The following SECISBP2 variants were observed in gnomAD, a reference collection of about 807,000 sequenced individuals.
SECISBP2 encodes the protein selenocysteine insertion sequence-binding protein 2.
In SECISBP2, 96 loss-of-function variants were observed where a neutral mutation model predicts 98.2. The observed-to-expected ratio is 0.98, with a 90% CI of 0.83 to 1.16. The LOEUF is 1.16. SECISBP2 is among the 50% of genes most tolerant of loss of function. The pLI, the probability that SECISBP2 is intolerant of heterozygous loss-of-function variation, is 0.00. For missense variants in SECISBP2, 1,046 were observed against 1,022.9 expected, an observed-to-expected ratio of 1.02 and a Z score of -0.31; for synonymous variants, 407 against 370.2, an observed-to-expected ratio of 1.10 and a Z score of -1.14.
At chr9:89,318,893 T>C (rs1769506488) in intron 1 of SECISBP2, 2 of 1,242,244 alleles carry the variant, frequency 1.6e-6, no homozygotes, top group African/African-American at 3.1e-5. Flanking sequence ...CTCCCCGCAG[T>C]CGGGGCGGGG....
chr9:89,357,131 G>A (rs1832210447), intron 14 of SECISBP2: 1 of 455,410 alleles, frequency 2.2e-6, no homozygotes, highest in South Asian at 2.1e-5. Flanking sequence ...TTGGGATTTG[G>A]GGGAGGACAC....
chr9:89,319,294 T>G (rs956182290), intron 1 of SECISBP2, among the ~76,000 whole-genome samples: 1 of 152,210 alleles, frequency 6.6e-6, no homozygotes, highest in African/African-American at 2.4e-5. Context: ...AGTTAAACAG[T>G]CCACGTGTAT....
chr9:89,340,209 A>G lies in SECISBP2; in HGVS notation c.1302+256A>G, dbSNP rs117179613. Reference sequence around the variant, plus strand: ...ATAAGATTTGGTAACTGCAGTTGCTAAGTTGGAAAGGAGGGGGATCATACT... The same window carrying G: ...ATAAGATTTGGTAACTGCAGTTGCTGAGTTGGAAAGGAGGGGGATCATACT... On this transcript the variant is annotated intron_variant, in intron 9 of 16. Coordinates refer to ENST00000375807, the MANE Select transcript of SECISBP2 (RefSeq NM_024077.5). Among the ~76,000 whole-genome samples the G allele has an allele frequency of 7.6e-3, 1,160 of 152,312 alleles. 8 individuals carry two copies. The highest frequency in any genetic ancestry group is 0.018 in the South Asian group (87 of 4,830).
chr9:89,342,892 T>C (rs1279458566), intron 10 of SECISBP2, among the ~76,000 whole-genome samples: 1 of 152,230 alleles, frequency 6.6e-6, no homozygotes, highest in Non-Finnish European at 1.5e-5. Flanking sequence ...ATTGTGCACT[T>C]AAAAACAGTT....
rs550632778 is a variant in SECISBP2, at chr9:89,345,643, A to G, written c.1436-1239A>G. On this transcript the variant is annotated intron_variant, in intron 10 of 16. Transcript: ENST00000375807. ...AAGGACCCTCCTCAGGCCCGGTGTCAGTGCTTTGTGAAGAGTTGCCTGGCA... is the reference window on the plus strand; with the variant it reads ...AAGGACCCTCCTCAGGCCCGGTGTCGGTGCTTTGTGAAGAGTTGCCTGGCA... Among the ~76,000 whole-genome samples the G allele has an allele frequency of 9.8e-5, 15 of 152,290 alleles. No individual in the cohort carries two copies. In the South Asian group the frequency reaches 3.1e-3, roughly 32 times the overall value.
At chr9:89,338,418 C>T in intron 7 of SECISBP2, 40 bp from the exon 8 acceptor site, 1 of 1,611,170 alleles carries the variant, frequency 6.2e-7, no homozygotes, top group South Asian at 1.1e-5. Context: ...CTATTGACCG[C>T]CCTAAAAACA....
chr9:89,327,573 T>A (rs1251982260), intron 4 of SECISBP2, among the ~76,000 whole-genome samples: 1 of 152,182 alleles, frequency 6.6e-6, no homozygotes, highest in Admixed American at 6.5e-5. Flanking sequence ...TTTAACTTTC[T>A]ACACTTTTTA....
At chr9:89,348,360 A>G in intron 12 of SECISBP2, 146 bp downstream of exon 12, 1 of 892,600 alleles carries the variant, frequency 1.1e-6, no homozygotes, top group Non-Finnish European at 1.8e-6. Flanking sequence ...TCCCAGCTTT[A>G]CAGGGAAGGG....
intron 1 of SECISBP2, 141 bp from the exon 2 acceptor site, chr9:89,319,508 GTTC>G: frequency 2.2e-6 from 2 of 907,434 alleles, no homozygotes; most frequent in Non-Finnish European, 3.6e-6. Context: ...TAGCAAGCAG[GTTC>G]TTGTCTTTAC....
At chr9:89,349,715 GC>G in intron 12 of SECISBP2, 60 bp from the exon 13 acceptor site, 1 of 1,587,176 alleles carries the variant, frequency 6.3e-7, no homozygotes, top group Non-Finnish European at 8.7e-7. Flanking sequence ...CATTGGGCCA[GC>G]CCCTCAGTGT....
intron 2 of SECISBP2, among the ~76,000 whole-genome samples, chr9:89,321,200 T>G (rs74546328): frequency 1.4e-3 from 218 of 152,322 alleles, no homozygotes; most frequent in African/African-American, 5.0e-3. Context: ...GTGTCTCACA[T>G]AACAAAATAC....
intron 13 of SECISBP2, 58 bp downstream of exon 13, chr9:89,349,987 A>G: frequency 6.3e-7 from 1 of 1,588,298 alleles, no homozygotes. Context: ...TCGGTTCAGT[A>G]TGGCATTGAT....
chr9:89,338,462 A>C lies in SECISBP2; in HGVS notation c.1094A>C (p.Lys365Thr). 1 of 1,613,540 alleles carries C rather than the reference A, an allele frequency of 6.2e-7. No homozygotes were observed. The highest frequency in any genetic ancestry group is 8.5e-7 in the Non-Finnish European group (1 of 1,179,924). ...TGCTTTGATTTTCTGTTCTAGTCTA[A>C]AGCATCACAAGGTAGTGACCTTGAA... ...KHIIHPTQKS[K>T]ASQGSDLEQN... The change falls in exon 8 of 17, where the codon AAA (lysine) becomes ACA (threonine). Residue 365 changes from lysine to threonine, a missense_variant. Transcript: ENST00000375807.
chr9:89,362,590 T>C (rs1163682850), downstream of SECISBP2, among the ~76,000 whole-genome samples: 3 of 151,704 alleles, frequency 2.0e-5, no homozygotes, highest in Non-Finnish European at 4.4e-5. Flanking sequence ...ATGCCAGGAG[T>C]GGTTCTCCCA....
intron 5 of SECISBP2, among the ~76,000 whole-genome samples, chr9:89,332,297 A>G (rs1012712061): frequency 3.9e-5 from 6 of 152,156 alleles, no homozygotes; most frequent in African/African-American, 7.2e-5. Context: ...ATTTGTTACA[A>G]TTGATGACCT....
Position 89,349,990 on chromosome 9 carries a change from G to C in SECISBP2, c.1892+61G>C, listed in dbSNP as rs866126928. 7 of 1,583,722 alleles carry C rather than the reference G, an allele frequency of 4.4e-6. No homozygotes were observed. In the South Asian group the frequency reaches 6.7e-5, roughly 15 times the overall value. ...GATGGAAGTGCTTCGGTTCAGTATG[G>C]CATTGATATCTCCCATAAATCCTTG... On this transcript the variant is annotated intron_variant, in intron 13 of 16. Coordinates refer to ENST00000375807, the MANE Select transcript of SECISBP2 (RefSeq NM_024077.5).
Position 89,346,875 on chromosome 9 carries a change from G to T in SECISBP2, c.1436-7G>T, listed in dbSNP as rs761581864. 1 of 1,614,062 alleles carries T rather than the reference G, an allele frequency of 6.2e-7. No individual in the cohort carries two copies. Among genetic ancestry groups the T allele is most frequent in the Non-Finnish European group, 8.5e-7 (1 of 1,179,992 alleles). On this transcript the variant is annotated splice_polypyrimidine_tract_variant and splice_region_variant and intron_variant, in intron 10 of 16. Coordinates refer to ENST00000375807, the MANE Select transcript of SECISBP2 (RefSeq NM_024077.5). ...GACCGTGAGGGCTTTGTCCCACTGC[G>T]TTTCAGTTGGAGCAGTGCCAGTCCT...
intron 2 of SECISBP2, among the ~76,000 whole-genome samples, chr9:89,320,307 GA>G (rs1057238722): frequency 1.6e-5 from 2 of 126,982 alleles, no homozygotes; most frequent in Non-Finnish European, 3.1e-5. Flanking sequence ...AGTGGGCCAA[GA>G]TAGCACCACT....
At chr9:89,355,394 CAGG>C (rs1298773240) in intron 14 of SECISBP2, 1 of 985,176 alleles carries the variant, frequency 1.0e-6, no homozygotes, top group African/African-American at 1.7e-5. Flanking sequence ...GCATCCTCTC[CAGG>C]AGTTTTTATT....
Sources: allele counts gnomAD v4.1 joint callset (sites outside exome capture counted in the v4.1 genomes callset), GRCh38; gene constraint gnomAD v4.1.1; transcripts MANE v1.5; gene names NCBI Gene and HGNC (gene_info 2026-07-23, HGNC 2026-07-21).